The following SYNPR variants were observed in gnomAD, a reference collection of about 807,000 sequenced individuals.
The protein encoded by SYNPR is synaptoporin.
A neutral mutation model predicts 32.9 loss-of-function variants in SYNPR; 23 were observed. That is an observed-to-expected ratio of 0.70 (90% CI 0.50 to 0.99). SYNPR has a LOEUF of 0.99. SYNPR is among the 50% of genes least tolerant of loss of function. The pLI, the probability that SYNPR is intolerant of heterozygous loss-of-function variation, is 0.00. For synonymous variants in SYNPR, 146 were observed against 135.9 expected, an observed-to-expected ratio of 1.07 and a Z score of -0.52; for missense variants, 318 against 349.3, an observed-to-expected ratio of 0.91 and a Z score of 0.71.
At chr3:63,444,839 C>A (rs1575647618) in intron 2 of SYNPR, among the ~76,000 whole-genome samples, 1 of 152,018 alleles carries the variant, frequency 6.6e-6, no homozygotes, top group East Asian at 1.9e-4. Context: ...TCCCCCAAAC[C>A]CACCCAAGTT....
At chr3:63,531,069 GC>G (rs781674379) in intron 3 of SYNPR, among the ~76,000 whole-genome samples, 127 of 152,270 alleles carry the variant, frequency 8.3e-4, no homozygotes, top group Non-Finnish European at 1.4e-3. Flanking sequence ...GATGCTGAAA[GC>G]CCTACAGAGC....
chr3:63,576,336 G>GAGAAT lies in SYNPR; in HGVS notation c.408+19596_408+19600dup, dbSNP rs1200561392. Among the ~76,000 whole-genome samples the GAGAAT allele has an allele frequency of 2.7e-4, 41 of 152,268 alleles. 1 individual carries two copies. Among genetic ancestry groups the GAGAAT allele is most frequent in the African/African-American group, 9.4e-4 (39 of 41,564 alleles). On this transcript the variant is annotated intron_variant, in intron 4 of 5. Coordinates refer to ENST00000478300, the MANE Select transcript of SYNPR (RefSeq NM_001130003.2). The stretch of plus-strand genomic sequence containing the variant: ...CAAATGATAATTTATATGAGCACAA[G>GAGAAT]AGAATTGTTGCTAATTTTAGAAAGT...
At chr3:63,546,571 T>C (rs954329630) in intron 3 of SYNPR, among the ~76,000 whole-genome samples, 1 of 152,052 alleles carries the variant, frequency 6.6e-6, no homozygotes, top group Admixed American at 6.6e-5. Flanking sequence ...AGAGTATTGT[T>C]TGCAGTAATC....
At chr3:63,296,659 A>G (rs1277258732) in intron 2 of SYNPR, among the ~76,000 whole-genome samples, 2 of 152,196 alleles carry the variant, frequency 1.3e-5, no homozygotes, top group African/African-American at 4.8e-5. Context: ...CCATATTAGC[A>G]ATAAAAGTTG....
chr3:63,532,755 G>A (rs1702133944), intron 3 of SYNPR, among the ~76,000 whole-genome samples: 1 of 152,208 alleles, frequency 6.6e-6, no homozygotes, highest in Non-Finnish European at 1.5e-5. Flanking sequence ...AGACGCTTAG[G>A]CACAGACGTG....
chr3:63,464,192 C>A (rs897285563), intron 2 of SYNPR, among the ~76,000 whole-genome samples: 4 of 152,108 alleles, frequency 2.6e-5, no homozygotes, highest in African/African-American at 4.8e-5. Context: ...CTGCAAAGAA[C>A]TTTTTCTCTA....
chr3:63,294,970 T>G (rs1243214538), intron 2 of SYNPR, among the ~76,000 whole-genome samples: 3 of 152,164 alleles, frequency 2.0e-5, no homozygotes, highest in Admixed American at 2.0e-4. Flanking sequence ...ATTCTTTTGA[T>G]AGAAAGGCAG....
the SYNPR span, among the ~76,000 whole-genome samples, chr3:63,205,480 C>T: frequency 2.0e-5 from 3 of 152,296 alleles, no homozygotes; most frequent in Admixed American, 2.0e-4. Context: ...GATATATTCC[C>T]CATCACTTAT....
In SYNPR at chr3:63,447,998, A is replaced by ATATT. The variant is rs369985539; in HGVS notation, c.85-32816_85-32813dup. Among the ~76,000 whole-genome samples, 23 of 151,742 alleles carry ATATT rather than the reference A, an allele frequency of 1.5e-4. 2 individuals are homozygous for ATATT. Among genetic ancestry groups the ATATT allele is most frequent in the African/African-American group, 5.1e-4 (21 of 41,432 alleles). On this transcript the variant is annotated intron_variant, in intron 2 of 5. Coordinates refer to ENST00000478300, the MANE Select transcript of SYNPR (RefSeq NM_001130003.2). ...GGACTTATTTAGCCTTGCCTACAGA[A>ATATT]TATTTATTTATTTATTTATTTTTGA...
chr3:63,284,497 T>G (rs1274945189), intron 2 of SYNPR, among the ~76,000 whole-genome samples: 1 of 152,190 alleles, frequency 6.6e-6, no homozygotes, highest in Non-Finnish European at 1.5e-5. Context: ...GCTATAACCC[T>G]GGGTTTCACA....
chr3:63,608,526 T>C (rs991428388), intron 4 of SYNPR, among the ~76,000 whole-genome samples: 1 of 152,210 alleles, frequency 6.6e-6, no homozygotes, highest in African/African-American at 2.4e-5. Context: ...ATAACATAGT[T>C]CCACATTGGT....
intron 2 of SYNPR, among the ~76,000 whole-genome samples, chr3:63,437,270 C>A (rs1300940763): frequency 6.6e-6 from 1 of 152,188 alleles, no homozygotes; most frequent in Non-Finnish European, 1.5e-5. Context: ...CAAAGGGTAT[C>A]ACTCTCATCC....
At chr3:63,365,362 G>A (rs1307419546) in intron 2 of SYNPR, among the ~76,000 whole-genome samples, 1 of 152,132 alleles carries the variant, frequency 6.6e-6, no homozygotes, top group Non-Finnish European at 1.5e-5. Flanking sequence ...TGGACGTGGG[G>A]GTGGGTTGTG....
intron 4 of SYNPR, among the ~76,000 whole-genome samples, chr3:63,578,132 C>G (rs1703023951): frequency 6.6e-6 from 1 of 152,170 alleles, no homozygotes; most frequent in African/African-American, 2.4e-5. Context: ...TGTGTGCAAT[C>G]CAAGGCTCAA....
intron 3 of SYNPR, among the ~76,000 whole-genome samples, chr3:63,523,601 A>G (rs1417668929): frequency 6.6e-6 from 1 of 152,092 alleles, no homozygotes; most frequent in Non-Finnish European, 1.5e-5. Context: ...GCTCAATGTG[A>G]GCCTTCCTAG....
intron 3 of SYNPR, among the ~76,000 whole-genome samples, chr3:63,513,877 C>A (rs1346582639): frequency 6.6e-6 from 1 of 152,006 alleles, no homozygotes; most frequent in African/African-American, 2.4e-5. Flanking sequence ...ACTGAGGAGC[C>A]TTTGAAATCC....
intron 3 of SYNPR, among the ~76,000 whole-genome samples, chr3:63,498,856 G>A (rs1408129277): frequency 6.6e-6 from 1 of 151,064 alleles, no homozygotes; most frequent in Admixed American, 6.6e-5. Context: ...GCTCACACCT[G>A]TAATCTGAGC....
upstream of SYNPR, among the ~76,000 whole-genome samples, chr3:63,276,911 C>T (rs1000119112): frequency 4.3e-5 from 3 of 69,360 alleles, no homozygotes; most frequent in African/African-American, 1.4e-4. Flanking sequence ...ACCCCCCCCA[C>T]CAACACACAC....
At position 63,535,586 on chromosome 3, in the gene SYNPR, T is replaced by C. The variant is rs1702189770; in HGVS notation, c.210-20957T>C. ...TAGTATTGGCATAAGGATAGACATATAGACCAATGGAGAAGAACTGGTAGT... is the reference window on the plus strand; with the variant it reads ...TAGTATTGGCATAAGGATAGACATACAGACCAATGGAGAAGAACTGGTAGT... On this transcript the variant is annotated intron_variant, in intron 3 of 5. Coordinates refer to ENST00000478300, the MANE Select transcript of SYNPR (RefSeq NM_001130003.2). Among the ~76,000 whole-genome samples, 3 of 152,144 alleles carry C rather than the reference T, an allele frequency of 2.0e-5. No homozygotes were observed. In the South Asian group the frequency reaches 6.2e-4, roughly 31 times the overall value.
Sources: allele counts gnomAD v4.1 joint callset (sites outside exome capture counted in the v4.1 genomes callset), GRCh38; gene constraint gnomAD v4.1.1; transcripts MANE v1.5; gene names NCBI Gene and HGNC (gene_info 2026-07-23, HGNC 2026-07-21).